Variants in SBF2 observed in about 807,000 individuals in gnomAD.
SBF2 encodes the protein SET binding factor 2.
In SBF2, 112 loss-of-function variants were observed where a neutral mutation model predicts 225.2. That is an observed-to-expected ratio of 0.50 (90% CI 0.43 to 0.58). SBF2 has a LOEUF of 0.58. Among genes scored for constraint, SBF2 ranks in the 20% least tolerant of loss-of-function variants. The pLI, the probability that SBF2 is intolerant of heterozygous loss-of-function variation, is 0.00. For synonymous variants in SBF2, 763 were observed against 773.3 expected, an observed-to-expected ratio of 0.99 and a Z score of 0.22; for missense variants, 1,996 against 2,206.2, an observed-to-expected ratio of 0.90 and a Z score of 1.91.
intron 13 of SBF2, among the ~76,000 whole-genome samples, chr11:9,988,275 AG>A (rs2134454984): frequency 6.6e-6 from 1 of 152,364 alleles, no homozygotes; most frequent in East Asian, 1.9e-4. Flanking sequence ...ATATGGATTA[AG>A]GACTTAAAAC....
chr11:9,851,149 ACAAC>A lies in SBF2; in HGVS notation c.2611-935_2611-932del, dbSNP rs200452166. Among the ~76,000 whole-genome samples the A allele has an allele frequency of 4.4e-4, 53 of 120,680 alleles. 4 individuals carry two copies. The highest frequency in any genetic ancestry group is 4.3e-3 in the Middle Eastern group (1 of 230). 79.2% of individuals were successfully genotyped at this position (120,680 alleles called of 152,430 possible). A position where few individuals can be genotyped will look rare whatever the true frequency, so the allele number is the denominator to read the frequency against. Reference sequence around the variant, plus strand: ...AGACTCCATCTCAAAAAAAAAAAAAACAACAACAAAAAAAAACCCAGAATACATA... The same window carrying A: ...AGACTCCATCTCAAAAAAAAAAAAAAAACAAAAAAAAACCCAGAATACATA... On this transcript the variant is annotated intron_variant, in intron 21 of 39. Coordinates refer to ENST00000256190, the MANE Select transcript of SBF2 (RefSeq NM_030962.4).
chr11:10,073,314 A>C (rs925602590), intron 2 of SBF2, among the ~76,000 whole-genome samples: 3 of 152,182 alleles, frequency 2.0e-5, no homozygotes, highest in African/African-American at 7.2e-5. Context: ...TTTTCATTTT[A>C]AAATTATTAA....
intron 16 of SBF2, among the ~76,000 whole-genome samples, chr11:9,933,120 A>G (rs1864622515): frequency 6.6e-6 from 1 of 152,222 alleles, no homozygotes; most frequent in Non-Finnish European, 1.5e-5. Flanking sequence ...TATCCTAAAT[A>G]TAGATGCACC....
chr11:9,855,728 G>A (rs549322075), intron 19 of SBF2, among the ~76,000 whole-genome samples: 3 of 152,222 alleles, frequency 2.0e-5, no homozygotes, highest in Non-Finnish European at 4.4e-5. Context: ...CAAAGTAGGA[G>A]AGGGAGAGGT....
intron 1 of SBF2, among the ~76,000 whole-genome samples, chr11:10,222,831 A>G (rs1958389355): frequency 6.6e-6 from 1 of 152,212 alleles, no homozygotes; most frequent in African/African-American, 2.4e-5. Flanking sequence ...CAGGATATAA[A>G]TAACTTCCAC....
chr11:10,274,753 A>C, intron 1 of SBF2, among the ~76,000 whole-genome samples: 1 of 68,608 alleles, frequency 1.5e-5, no homozygotes, highest in South Asian at 5.4e-4. Context: ...TCCATCTCAA[A>C]AAAAAAAAAA....
At chr11:10,058,689 A>T (rs1266699802) in intron 2 of SBF2, among the ~76,000 whole-genome samples, 1 of 152,190 alleles carries the variant, frequency 6.6e-6, no homozygotes, top group Middle Eastern at 3.2e-3. Context: ...CTACACAAGA[A>T]GATCATCCCC....
chr11:9,886,789 T>C (rs1357720278), intron 17 of SBF2, among the ~76,000 whole-genome samples: 1 of 145,258 alleles, frequency 6.9e-6, no homozygotes. Context: ...TCATTTATCA[T>C]TCATGGGCAC....
chr11:10,076,770 C>T (rs916402754), intron 2 of SBF2, among the ~76,000 whole-genome samples: 6 of 152,192 alleles, frequency 3.9e-5, no homozygotes, highest in African/African-American at 1.4e-4. Context: ...TGACACAGCA[C>T]CAGTTGCTCT....
At chr11:9,994,322 A>C (rs1223904359) in intron 9 of SBF2, among the ~76,000 whole-genome samples, 1 of 151,868 alleles carries the variant, frequency 6.6e-6, no homozygotes, top group Non-Finnish European at 1.5e-5. Context: ...AAAATACAAA[A>C]AAATTAGCCG....
At chr11:10,087,057 G>C (rs1030054268) in intron 2 of SBF2, among the ~76,000 whole-genome samples, 2 of 152,076 alleles carry the variant, frequency 1.3e-5, no homozygotes, top group Non-Finnish European at 2.9e-5. Context: ...ATATACCAAA[G>C]TTTTCTCATG....
At chr11:10,099,977 G>T (rs945097889) in intron 2 of SBF2, among the ~76,000 whole-genome samples, 1 of 152,048 alleles carries the variant, frequency 6.6e-6, no homozygotes, top group African/African-American at 2.4e-5. Context: ...TTTAAAAAAT[G>T]GCAATACTAA....
rs1206611207 is a variant in SBF2, at chr11:9,845,730, A to G, written c.2945T>C (p.Val982Ala). Reference protein sequence around the residue: ...ITSASFQLIKVAFDEEVSPEV... With the variant: ...ITSASFQLIKAAFDEEVSPEV... The stretch of plus-strand genomic sequence containing the variant: ...TGGACTGACTTCTTCATCAAATGCT[A>G]CCTTAATCAACTAGAAGCAAAAGAG... The change falls in exon 24 of 40, where the codon GTA becomes GCA. Residue 982 changes from valine to alanine, a missense_variant. Transcript: ENST00000256190. 1.2e-6 allele frequency: 2 copies of G among 1,613,652 alleles called. No homozygotes were observed. The highest frequency in any genetic ancestry group is 3.3e-5 in the Admixed American group (2 of 59,998).
chr11:10,072,995 C>G (rs760101937), intron 2 of SBF2, among the ~76,000 whole-genome samples: 1 of 151,948 alleles, frequency 6.6e-6, no homozygotes, highest in Admixed American at 6.6e-5. Context: ...CGGGCTCAAG[C>G]AATCCGCCTG....
intron 2 of SBF2, among the ~76,000 whole-genome samples, chr11:10,043,192 G>A (rs907721703): frequency 2.6e-5 from 4 of 152,054 alleles, no homozygotes; most frequent in African/African-American, 9.7e-5. Context: ...AGATAGCCTC[G>A]ATTTCCCACA....
intron 6 of SBF2, among the ~76,000 whole-genome samples, chr11:10,013,249 C>T (rs1948523200): frequency 6.6e-6 from 1 of 152,182 alleles, no homozygotes; most frequent in Non-Finnish European, 1.5e-5. Context: ...CTACTGGTTT[C>T]AATACTTTTA....
rs546251762 is a variant in SBF2, at chr11:9,817,218, C to T, written c.3794-194G>A. 3.3e-5 allele frequency among the ~76,000 whole-genome samples: 5 copies of T among 152,314 alleles called. No homozygotes were observed. In the South Asian group the frequency reaches 1.0e-3, roughly 32 times the overall value. On this transcript the variant is annotated intron_variant, in intron 28 of 39. Transcript: ENST00000256190. ...TCCAATATAGCATTTCAAAATCACACAATCTTAGCCTCAGAATGACCTAGC... is the reference window on the plus strand; with the variant it reads ...TCCAATATAGCATTTCAAAATCACATAATCTTAGCCTCAGAATGACCTAGC...
intron 6 of SBF2, among the ~76,000 whole-genome samples, chr11:10,016,254 A>G (rs909645348): frequency 3.3e-5 from 5 of 152,178 alleles, no homozygotes; most frequent in African/African-American, 1.2e-4. Flanking sequence ...AGTAAAAACA[A>G]TCAGTTGATA....
At chr11:10,260,443 A>G (rs939331681) in intron 1 of SBF2, among the ~76,000 whole-genome samples, 14 of 152,158 alleles carry the variant, frequency 9.2e-5, no homozygotes, top group Admixed American at 4.6e-4. Flanking sequence ...CAGGTCGGGC[A>G]CGGTGGCTCA....
Sources: allele counts gnomAD v4.1 joint callset (sites outside exome capture counted in the v4.1 genomes callset), GRCh38; gene constraint gnomAD v4.1.1; transcripts MANE v1.5; gene names NCBI Gene and HGNC (gene_info 2026-07-23, HGNC 2026-07-21).